Variants in AOPEP observed in about 807,000 individuals in gnomAD.
AOPEP encodes aminopeptidase O.
A neutral mutation model predicts 98.1 loss-of-function variants in AOPEP; 77 were observed. The observed-to-expected ratio is 0.78, with a 90% CI of 0.65 to 0.95. The LOEUF is 0.95. AOPEP is among the 40% of genes least tolerant of loss of function. AOPEP has a pLI of 0.00. For missense variants in AOPEP, 1,024 were observed against 1,024.7 expected, an observed-to-expected ratio of 1.00 and a Z score of 0.01; for synonymous variants, 346 against 365.3, an observed-to-expected ratio of 0.95 and a Z score of 0.60.
intron 5 of AOPEP, among the ~76,000 whole-genome samples, chr9:94,806,617 C>T (rs1849317137): frequency 6.6e-6 from 1 of 152,114 alleles, no homozygotes; most frequent in Non-Finnish European, 1.5e-5. Context: ...TTCAATTATC[C>T]TTCTTGAGAA....
At chr9:94,839,279 C>T (rs564107730) in intron 5 of AOPEP, among the ~76,000 whole-genome samples, 29 of 151,986 alleles carry the variant, frequency 1.9e-4, no homozygotes, top group South Asian at 4.2e-4. Context: ...TTGGTAGAGA[C>T]GGGGTTTCAC....
intron 13 of AOPEP, among the ~76,000 whole-genome samples, chr9:95,042,199 C>T (rs1435032160): frequency 6.6e-6 from 1 of 152,092 alleles, no homozygotes; most frequent in African/African-American, 2.4e-5. Context: ...GTAGTCCCAG[C>T]TACTCGGGAG....
At chr9:95,124,897 G>C in the AOPEP span, among the ~76,000 whole-genome samples, 2 of 152,200 alleles carry the variant, frequency 1.3e-5, no homozygotes, top group Non-Finnish European at 2.9e-5. Flanking sequence ...ATCAGGGCAC[G>C]GGGCAGACAG....
chr9:95,048,832 C>A (rs1230677859), intron 13 of AOPEP: 1 of 152,162 alleles, frequency 6.6e-6, no homozygotes, highest in Non-Finnish European at 1.5e-5. Context: ...GCCTTCAAAT[C>A]AAAAAGGCCA....
At chr9:94,931,935 A>G (rs980992737) in intron 7 of AOPEP, 4 of 1,126,828 alleles carry the variant, frequency 3.5e-6, no homozygotes, top group East Asian at 2.7e-5. Context: ...CAATAGCCCA[A>G]GGCTCAGAAA....
chr9:94,766,658 C>T (rs1029073498), intron 2 of AOPEP, among the ~76,000 whole-genome samples: 1 of 152,122 alleles, frequency 6.6e-6, no homozygotes, highest in Non-Finnish European at 1.5e-5. Flanking sequence ...AAGCTGATGA[C>T]ATCACTGAAT....
intron 11 of AOPEP, among the ~76,000 whole-genome samples, chr9:94,994,469 CG>C (rs1345109059): frequency 2.6e-5 from 4 of 152,126 alleles, no homozygotes; most frequent in Non-Finnish European, 5.9e-5. Flanking sequence ...GTCACAACTC[CG>C]TAAGACAGAC....
At chr9:94,907,162 A>C (rs1198648754) in intron 5 of AOPEP, among the ~76,000 whole-genome samples, 1 of 152,210 alleles carries the variant, frequency 6.6e-6, no homozygotes, top group Non-Finnish European at 1.5e-5. Context: ...AGAAATAAGG[A>C]CATTACTAAT....
At position 94,965,756 on chromosome 9, in the gene AOPEP, C is replaced by T. The variant is rs922755843; in HGVS notation, c.1873-2002C>T. On this transcript the variant is annotated intron_variant, in intron 9 of 16. Transcript: ENST00000375315. ...CAGACTTGGTTCTATTGGGAGGCTT[C>T]GGTCTGCAGTTCACTGGGTGTCATC... is the stretch of plus-strand genomic sequence containing the variant. Among the ~76,000 whole-genome samples the T allele has an allele frequency of 3.9e-5, 6 of 152,166 alleles. No individual in the cohort carries two copies. The East Asian group carries it at 9.7e-4, about 24-fold the overall frequency.
At chr9:95,117,776 T>A in the AOPEP span, among the ~76,000 whole-genome samples, 2 of 148,276 alleles carry the variant, frequency 1.3e-5, no homozygotes, top group Admixed American at 6.9e-5. Flanking sequence ...CAGGCTGGAG[T>A]GCAATGGCGC....
chr9:95,038,359 C>CTT (rs1203202096), intron 13 of AOPEP, among the ~76,000 whole-genome samples: 1 of 152,190 alleles, frequency 6.6e-6, no homozygotes, highest in Non-Finnish European at 1.5e-5. Context: ...GAATTCTGCA[C>CTT]TTTGGTTTCT....
intron 11 of AOPEP, among the ~76,000 whole-genome samples, chr9:94,986,807 G>A (rs1271300114): frequency 1.3e-5 from 2 of 152,208 alleles, no homozygotes; most frequent in Non-Finnish European, 1.5e-5. Context: ...CCAAATGAAA[G>A]CTGTGTGCTT....
chr9:94,739,380 C>T (rs1832542528), intron 1 of AOPEP, among the ~76,000 whole-genome samples: 1 of 152,138 alleles, frequency 6.6e-6, no homozygotes, highest in Non-Finnish European at 1.5e-5. Context: ...CCCAGTGGCT[C>T]ACGCCTGTAA....
intron 3 of AOPEP, among the ~76,000 whole-genome samples, chr9:94,783,135 G>A (rs1316510299): frequency 6.6e-6 from 1 of 152,188 alleles, no homozygotes; most frequent in African/African-American, 2.4e-5. Flanking sequence ...AGAGTGGCCG[G>A]TGAGACTTGA....
At chr9:95,005,266 G>C in intron 12 of AOPEP, 46 bp downstream of exon 12, 1 of 1,002,790 alleles carries the variant, frequency 1.0e-6, no homozygotes, top group Admixed American at 5.1e-5. Flanking sequence ...GCGCCGGCGC[G>C]AGACCGCGGC....
At chr9:94,805,759 C>T (rs1849135205) in intron 5 of AOPEP, among the ~76,000 whole-genome samples, 2 of 152,104 alleles carry the variant, frequency 1.3e-5, no homozygotes, top group Non-Finnish European at 2.9e-5. Context: ...ACGTACATGC[C>T]CAAGAATGAA....
chr9:95,031,305 C>T (rs2064278023), intron 13 of AOPEP, among the ~76,000 whole-genome samples: 1 of 152,142 alleles, frequency 6.6e-6, no homozygotes, highest in Non-Finnish European at 1.5e-5. Flanking sequence ...TTGTTCTTCA[C>T]ATGTCTACTC....
intron 14 of AOPEP, among the ~76,000 whole-genome samples, chr9:95,079,746 G>A (rs750418367): frequency 1.8e-4 from 27 of 152,216 alleles, no homozygotes; most frequent in African/African-American, 4.8e-5. Flanking sequence ...GGTTCCTTCC[G>A]AATTCCTGCA....
intron 5 of AOPEP, among the ~76,000 whole-genome samples, chr9:94,889,219 C>G (rs2048599847): frequency 6.6e-6 from 1 of 152,154 alleles, no homozygotes; most frequent in Non-Finnish European, 1.5e-5. Flanking sequence ...GTCTCAAACT[C>G]CTGACCTCAA....
Sources: gnomAD v4.1 joint callset for allele counts (sites outside exome capture counted in the v4.1 genomes callset) on GRCh38, gnomAD v4.1.1 for gene constraint, MANE v1.5 for transcripts, NCBI Gene and HGNC (gene_info 2026-07-23, HGNC 2026-07-21) for gene names.